PKHD1: variants seen among roughly 807,000 people sequenced by gnomAD.
The protein encoded by PKHD1 is fibrocystin.
In PKHD1, 291 loss-of-function variants were observed where a neutral mutation model predicts 412.0. The observed-to-expected ratio is 0.71, with a 90% CI of 0.64 to 0.78. The LOEUF is 0.78. Ranked by LOEUF, PKHD1 falls within the 30% of genes least tolerant of loss-of-function variation. The probability of loss-of-function intolerance (pLI) is 0.00; values close to 1 mark genes in which losing one functional copy is unlikely to be tolerated. For synonymous variants in PKHD1, 1,777 were observed against 1,821.5 expected, an observed-to-expected ratio of 0.98 and a Z score of 0.62; for missense variants, 4,825 against 4,950.7, an observed-to-expected ratio of 0.97 and a Z score of 0.76.
At chr6:51,729,133 T>TA (rs1322297490) in intron 60 of PKHD1, among the ~76,000 whole-genome samples, 2 of 152,224 alleles carry the variant, frequency 1.3e-5, no homozygotes, top group Admixed American at 6.5e-5. Context: ...ATAGCCATAT[T>TA]AAAAAATGGC....
chr6:51,773,799 AAAAT>A (rs201732086), intron 54 of PKHD1, among the ~76,000 whole-genome samples: 27,692 of 151,124 alleles, frequency 0.18, 3,333 homozygotes, highest in African/African-American at 0.34. Context: ...GACCAAAAAA[AAAAT>A]AATCCCAATT....
chr6:51,762,363 T>C (rs1409540), intron 55 of PKHD1, among the ~76,000 whole-genome samples: 48,584 of 151,860 alleles, frequency 0.32, 9,650 homozygotes, highest in East Asian at 0.7. Context: ...ATACATAACA[T>C]TTGTAATGGG....
chr6:51,772,771 T>A lies in PKHD1; in HGVS notation c.8573A>T (p.His2858Leu). The A allele has an allele frequency of 1.9e-6, 3 of 1,588,640 alleles. No individual in the cohort carries two copies. Among genetic ancestry groups the A allele is most frequent in the Non-Finnish European group, 2.6e-6 (3 of 1,157,386 alleles). Residue 2858 changes from histidine to leucine, a missense_variant, in exon 55 of 67, where the codon CAT (histidine) becomes CTT (leucine). His to Leu is a moderately conservative substitution (Grantham distance 99). Coordinates refer to ENST00000371117, the MANE Select transcript of PKHD1 (RefSeq NM_138694.4). ...PGTIGVYGKV[H>L]LYSAYPKNSW... is the part of the protein sequence containing the mutation. ...GTTCTTAGGATAAGCACTGTAAAGA[T>A]GAACTTTCCCATAAACCCCTGAAAA...
intron 45 of PKHD1, among the ~76,000 whole-genome samples, chr6:51,883,440 T>A (rs902144673): frequency 2.0e-5 from 3 of 152,194 alleles, no homozygotes; most frequent in African/African-American, 7.2e-5. Flanking sequence ...TACTTTTCAT[T>A]TCTCCTCATA....
chr6:51,938,244 C>T (rs866007141), intron 36 of PKHD1, among the ~76,000 whole-genome samples: 22 of 152,352 alleles, frequency 1.4e-4, no homozygotes, highest in Middle Eastern at 6.8e-3. Context: ...TAGAAACTGT[C>T]AGGCCTCTGA....
In PKHD1 at chr6:51,747,359, A is replaced by G. The variant is rs1195915329; in HGVS notation, c.9829+428T>C. On this transcript the variant is annotated intron_variant, in intron 58 of 66. Transcript: ENST00000371117. The stretch of plus-strand genomic sequence containing the variant: ...TACATTTCAATTTCCTCACTTGTAT[A>G]ATAGGAAAAATAACACCTAACCAAG... 1.6e-4 allele frequency among the ~76,000 whole-genome samples: 24 copies of G among 152,170 alleles called. 1 individual carries two copies. Among genetic ancestry groups the G allele is most frequent in the Admixed American group, 1.6e-3 (24 of 15,272 alleles).
chr6:51,765,861 G>C (rs1009668603), intron 55 of PKHD1, among the ~76,000 whole-genome samples: 6 of 151,964 alleles, frequency 3.9e-5, no homozygotes, highest in Admixed American at 3.9e-4. Flanking sequence ...CTTAATAATT[G>C]AATGCTGTTT....
intron 37 of PKHD1, among the ~76,000 whole-genome samples, chr6:51,918,906 T>C (rs1784251930): frequency 1.3e-5 from 2 of 152,212 alleles, no homozygotes; most frequent in South Asian, 2.1e-4. Context: ...TTTATTCATA[T>C]GTTTGTTGAT....
intron 66 of PKHD1, among the ~76,000 whole-genome samples, chr6:51,626,472 A>G (rs1372180261): frequency 6.6e-6 from 1 of 152,188 alleles, no homozygotes; most frequent in Admixed American, 6.5e-5. Context: ...ATGGCAATTT[A>G]ACAATATAAC....
At chr6:51,909,229 C>T in intron 40 of PKHD1, 54 bp downstream of exon 40, 1 of 1,300,360 alleles carries the variant, frequency 7.7e-7, no homozygotes, top group Middle Eastern at 2.0e-4. Flanking sequence ...GCATGTAGTG[C>T]CTTAAACATG....
chr6:51,882,780 G>T (rs1777581676), intron 46 of PKHD1, among the ~76,000 whole-genome samples: 2 of 152,044 alleles, frequency 1.3e-5, no homozygotes, highest in South Asian at 4.1e-4. Context: ...AACGAACTAG[G>T]CAAATTTCTA....
At chr6:51,886,884 T>C (rs1778293937) in intron 44 of PKHD1, among the ~76,000 whole-genome samples, 2 of 152,188 alleles carry the variant, frequency 1.3e-5, no homozygotes, top group Admixed American at 1.3e-4. Flanking sequence ...GTGATAGATA[T>C]GTTTGTGACA....
intron 60 of PKHD1, among the ~76,000 whole-genome samples, chr6:51,673,039 G>A (rs1176782462): frequency 1.3e-5 from 2 of 152,120 alleles, no homozygotes; most frequent in Non-Finnish European, 2.9e-5. Context: ...TTCTAGAGAG[G>A]ACTTGAAGAT....
rs532179448 is a variant in PKHD1 at position 51,837,476 on chromosome 6, G to A, written c.8108-1007C>T. Among the ~76,000 whole-genome samples, 8 of 152,290 alleles carry A rather than the reference G, an allele frequency of 5.3e-5. No individual in the cohort carries two copies. In the East Asian group the frequency reaches 9.6e-4, roughly 18 times the overall value. On this transcript the variant is annotated intron_variant, in intron 50 of 66. Coordinates refer to ENST00000371117, the MANE Select transcript of PKHD1 (RefSeq NM_138694.4). The stretch of plus-strand genomic sequence containing the variant: ...AATCCCAGCACTTTGGGAGGCTGAG[G>A]TGGGTGGATCACTTGAGGTCAGGAG...
chr6:51,821,768 G>T (rs528701097), intron 52 of PKHD1, among the ~76,000 whole-genome samples: 3 of 152,128 alleles, frequency 2.0e-5, no homozygotes, highest in Non-Finnish European at 4.4e-5. Flanking sequence ...AGGCTGAAGC[G>T]CTCCACCTCC....
At chr6:51,657,164 G>T (rs1220360334) in intron 61 of PKHD1, among the ~76,000 whole-genome samples, 1 of 151,568 alleles carries the variant, frequency 6.6e-6, no homozygotes, top group East Asian at 1.9e-4. Context: ...ACTCATTTCT[G>T]CTGGCTTAAG....
chr6:51,954,239 C>A (rs1159327783), intron 36 of PKHD1, among the ~76,000 whole-genome samples: 1 of 151,998 alleles, frequency 6.6e-6, no homozygotes, highest in Non-Finnish European at 1.5e-5. Flanking sequence ...ACGAGACAGG[C>A]AATACATTGT....
At chr6:51,895,851 T>G (rs1408461338) in intron 43 of PKHD1, among the ~76,000 whole-genome samples, 1 of 152,076 alleles carries the variant, frequency 6.6e-6, no homozygotes, top group Non-Finnish European at 1.5e-5. Context: ...ATTGCCTCAC[T>G]CGGGAAGCTC....
At chr6:51,773,710 T>C (rs1341738507) in intron 54 of PKHD1, among the ~76,000 whole-genome samples, 2 of 151,464 alleles carry the variant, frequency 1.3e-5, no homozygotes, top group East Asian at 3.9e-4. Flanking sequence ...TTTACAATTT[T>C]CATCAGAAAA....
Sources: allele counts gnomAD v4.1 joint callset (sites outside exome capture counted in the v4.1 genomes callset), GRCh38; gene constraint gnomAD v4.1.1; transcripts MANE v1.5; gene names NCBI Gene and HGNC (gene_info 2026-07-23, HGNC 2026-07-21).